PREP: variants seen among roughly 807,000 people sequenced by gnomAD.
The protein encoded by PREP is prolyl endopeptidase, also known as dJ355L5.1 (prolyl endopeptidase).
PREP carries 29 observed loss-of-function variants against 87.6 expected under a neutral mutation model. The observed-to-expected ratio is 0.33, with a 90% CI of 0.25 to 0.45. The LOEUF is 0.45. Among genes scored for constraint, PREP ranks in the 20% least tolerant of loss-of-function variants. The pLI is 1.00. For missense variants in PREP, 695 were observed against 886.5 expected (o/e 0.78, Z 2.74); for synonymous variants, 337 against 328.6 (o/e 1.03, Z -0.28).
intron 10 of PREP, among the ~76,000 whole-genome samples, chr6:105,310,669 C>G (rs1449161253): frequency 6.6e-6 from 1 of 152,180 alleles, no homozygotes; most frequent in Non-Finnish European, 1.5e-5. Context: ...AACTGACCCC[C>G]CTAGATGTGG....
At chr6:105,372,769 C>T (rs1457173026) in intron 5 of PREP, among the ~76,000 whole-genome samples, 1 of 152,196 alleles carries the variant, frequency 6.6e-6, no homozygotes, top group Non-Finnish European at 1.5e-5. Flanking sequence ...TAAAAATTCA[C>T]CTTCTCCATA....
chr6:105,281,642 T>G, intron 14 of PREP, 104 bp downstream of exon 14: 1 of 1,387,162 alleles, frequency 7.2e-7, no homozygotes, highest in Non-Finnish European at 9.8e-7. Flanking sequence ...TATATGCAAA[T>G]GCAAGACCCT....
At chr6:105,311,881 G>A (rs1233434796) in intron 10 of PREP, among the ~76,000 whole-genome samples, 1 of 152,160 alleles carries the variant, frequency 6.6e-6, no homozygotes, top group Non-Finnish European at 1.5e-5. Flanking sequence ...AGGAATCCCA[G>A]AACACTCCTT....
intron 12 of PREP, among the ~76,000 whole-genome samples, chr6:105,283,854 T>C (rs575303837): frequency 2.4e-4 from 36 of 152,300 alleles, no homozygotes; most frequent in African/African-American, 8.4e-4. Context: ...TAATAAAAAA[T>C]GAGAGAGCAG....
chr6:105,363,710 T>C (rs2114696976), intron 6 of PREP, among the ~76,000 whole-genome samples: 1 of 152,036 alleles, frequency 6.6e-6, no homozygotes, highest in African/African-American at 2.4e-5. Context: ...GAGCAAGAGG[T>C]ACCCAGGAAG....
chr6:105,334,184 C>A (rs553762192), intron 7 of PREP, among the ~76,000 whole-genome samples: 1 of 152,160 alleles, frequency 6.6e-6, no homozygotes, highest in Non-Finnish European at 1.5e-5. Flanking sequence ...CATGTTAGTG[C>A]CCTTAGAAAC....
chr6:105,282,577 T>C lies in PREP; in HGVS notation c.1555A>G (p.Ile519Val), dbSNP rs751703905. The stretch of plus-strand genomic sequence containing the variant: ...AAGCAGTTTTGTTTGTTGGCCAAGA[T>C]ACCACCTACAGTGTGCCAAAGTGGA... ...EYGETWHKGG[I>V]LANKQNCFDD... Residue 519 changes from isoleucine to valine, a missense_variant, in exon 13 of 15, where the codon ATC becomes GTC. Around this residue, in one of 5 missense-constraint regions of PREP, gnomAD observed 35 missense variants for 36.0 expected, o/e 0.97. Coordinates refer to ENST00000652536, the MANE Select transcript of PREP (RefSeq NM_002726.5). 9.3e-6 allele frequency: 15 copies of C among 1,613,978 alleles called. No homozygotes were observed. The highest frequency in any genetic ancestry group is 1.3e-5 in the Non-Finnish European group (15 of 1,179,942).
intron 2 of PREP, among the ~76,000 whole-genome samples, chr6:105,384,473 T>C (rs562009881): frequency 1.3e-5 from 2 of 152,346 alleles, no homozygotes; most frequent in South Asian, 2.1e-4. Context: ...GCATTCTCAG[T>C]GAGGATTCTT....
rs774653760 is a variant in PREP at position 105,278,249 on chromosome 6, G to C, written c.2028C>G (p.Thr676=). 2 of 1,614,200 alleles carry C rather than the reference G, an allele frequency of 1.2e-6. No individual in the cohort carries two copies. The highest frequency in any genetic ancestry group is 1.7e-6 in the Non-Finnish European group (2 of 1,180,048). ...GCTTCCCCGCCCCGTGGCCCGCCTT[G>C]GTGTCCACGTGGATAAGCAGGGGGT... ...QSNPLLIHVD[T]KAGHGAGKPT... Residue 676 remains threonine, a synonymous_variant, in exon 15 of 15, where the codon ACC becomes ACG. Coordinates refer to ENST00000652536, the MANE Select transcript of PREP (RefSeq NM_002726.5). The surrounding 1 kb of genome is among the most constrained non-coding windows in gnomAD (Gnocchi z 4.2).
At chr6:105,366,352 A>G (rs1772382769) in intron 6 of PREP, among the ~76,000 whole-genome samples, 1 of 152,234 alleles carries the variant, frequency 6.6e-6, no homozygotes, top group Admixed American at 6.5e-5. Flanking sequence ...ACAGTGGTTA[A>G]GAAGATACAG....
rs36086068 is a variant in PREP, at chr6:105,402,418, T to TCACACACA, written c.45+421_45+428dup. ...TTTGTTTTCGTTTTTAAATGTGACA[T>TCACACACA]CACACACACACACACACACACACAC... On this transcript the variant is annotated intron_variant, in intron 1 of 14. Coordinates refer to ENST00000652536, the MANE Select transcript of PREP (RefSeq NM_002726.5). Among the ~76,000 whole-genome samples the TCACACACA allele has an allele frequency of 7.9e-3, 1,170 of 147,200 alleles. 11 individuals are homozygous for TCACACACA. Among genetic ancestry groups the TCACACACA allele is most frequent in the African/African-American group, 0.026 (1,067 of 40,624 alleles).
Position 105,284,996 on chromosome 6 carries a change from C to T in PREP, c.1549+490G>A, listed in dbSNP as rs9486063. 5.3e-3 allele frequency among the ~76,000 whole-genome samples: 814 copies of T among 152,216 alleles called. 6 individuals carry two copies. The highest frequency in any genetic ancestry group is 0.019 in the African/African-American group (771 of 41,532). ...GGAGGATGAGATTCCTCAGCAATGC[C>T]GGGAAGATCTGAGAAAACCAGCAGG... On this transcript the variant is annotated intron_variant, in intron 12 of 14. Coordinates refer to ENST00000652536, the MANE Select transcript of PREP (RefSeq NM_002726.5).
intron 6 of PREP, among the ~76,000 whole-genome samples, chr6:105,360,926 T>TACAC (rs35830306): frequency 6.6e-6 from 1 of 152,106 alleles, no homozygotes; most frequent in African/African-American, 2.4e-5. Context: ...TTGAAGGCTT[T>TACAC]ACACACACAC....
At chr6:105,295,065 G>T (rs938417012) in intron 10 of PREP, among the ~76,000 whole-genome samples, 1 of 151,964 alleles carries the variant, frequency 6.6e-6, no homozygotes, top group African/African-American at 2.4e-5. Context: ...ATCTCAGCTG[G>T]GCTCTGAACT....
intron 2 of PREP, among the ~76,000 whole-genome samples, chr6:105,393,919 TTTAC>T (rs1455673190): frequency 7.2e-6 from 1 of 139,330 alleles, no homozygotes; most frequent in Non-Finnish European, 1.5e-5. Flanking sequence ...ATTAAGGTAT[TTTAC>T]TTTTTTTTTT....
chr6:105,273,327 A>G lies in PREP; in HGVS notation c.*4817T>C, dbSNP rs1233087564. Reference sequence around the variant, plus strand: ...GTGTACAATTCAATGACTTTTTAATACATTTACCAGGTTGTGCAACCGTTA... The same window carrying G: ...GTGTACAATTCAATGACTTTTTAATGCATTTACCAGGTTGTGCAACCGTTA... On this transcript the variant is annotated 3_prime_UTR_variant, in exon 15 of 15. Coordinates refer to ENST00000652536, the MANE Select transcript of PREP (RefSeq NM_002726.5). 1 of 152,230 alleles carries G rather than the reference A, an allele frequency of 6.6e-6. No individual in the cohort carries two copies. Among genetic ancestry groups the G allele is most frequent in the Non-Finnish European group, 1.5e-5 (1 of 68,040 alleles). The allele number at this position is 152,230 out of a possible 1,614,324, so 9.4% of individuals were successfully genotyped here. A position where few individuals can be genotyped will look rare whatever the true frequency, so the allele number is the denominator to read the frequency against.
intron 1 of PREP, among the ~76,000 whole-genome samples, chr6:105,401,649 G>A (rs114988351): frequency 9.2e-4 from 140 of 152,260 alleles, no homozygotes; most frequent in African/African-American, 3.3e-3. Context: ...AGAGCTTCTT[G>A]AGCTGTTAGG....
chr6:105,389,998 C>G (rs1170764486), intron 2 of PREP, among the ~76,000 whole-genome samples: 2 of 152,206 alleles, frequency 1.3e-5, no homozygotes, highest in Non-Finnish European at 2.9e-5. Flanking sequence ...CTCCGCTGAT[C>G]TCTGTGACAC....
chr6:105,346,879 T>C (rs1293272795), intron 7 of PREP, among the ~76,000 whole-genome samples: 3 of 152,306 alleles, frequency 2.0e-5, no homozygotes, highest in Non-Finnish European at 2.9e-5. Flanking sequence ...GGCAGACGGA[T>C]CACCTGAGGT....
Sources: gnomAD v4.1 joint callset for allele counts (sites outside exome capture counted in the v4.1 genomes callset) on GRCh38, gnomAD v4.1.1 for gene constraint, gnomAD v4.1.1 regional missense constraint, Gnocchi (gnomAD v3.1) non-coding constraint, MANE v1.5 for transcripts, NCBI Gene and HGNC (gene_info 2026-07-23, HGNC 2026-07-21) for gene names.